The following KLHL4 variants were observed in gnomAD, a reference collection of about 807,000 sequenced individuals.
KLHL4 encodes the protein kelch-like protein 4.
A neutral mutation model predicts 45.8 loss-of-function variants in KLHL4; 17 were observed. The ratio of observed to expected loss-of-function variants is 0.37; its 90% CI spans 0.25 to 0.56. The LOEUF (loss-of-function observed/expected upper bound fraction) is 0.56, where lower values mean the gene tolerates loss of function less well. KLHL4 is among the 20% of genes least tolerant of loss of function. KLHL4 has a pLI of 0.79. For missense variants in KLHL4, 544 were observed against 544.9 expected, an observed-to-expected ratio of 1.00 and a Z score of 0.02; for synonymous variants, 224 against 189.9, an observed-to-expected ratio of 1.18 and a Z score of -1.47.
At chrX:87,568,391 CTT>C (rs58586775) in intron 1 of KLHL4, among the ~76,000 whole-genome samples, 2 of 57,499 alleles carry the variant, frequency 3.5e-5, no homozygotes, top group African/African-American at 7.5e-5. Context: ...TTCTTTTTTT[CTT>C]TTTTTTTTTT....
chrX:87,635,050 G>A (rs1399953640), intron 8 of KLHL4, among the ~76,000 whole-genome samples: 1 of 111,276 alleles, frequency 9.0e-6, no homozygotes, highest in African/African-American at 3.3e-5. Flanking sequence ...CACTTACGAG[G>A]GAAAAAAATC....
At chrX:87,526,334 A>C (rs1931109644) in intron 1 of KLHL4, among the ~76,000 whole-genome samples, 1 of 112,249 alleles carries the variant, frequency 8.9e-6, no homozygotes, top group African/African-American at 3.2e-5. Context: ...TTGAGCCCTC[A>C]TTTATGTGCA....
intron 1 of KLHL4, among the ~76,000 whole-genome samples, chrX:87,572,833 AT>A (rs1483434385): frequency 9.1e-6 from 1 of 109,673 alleles, no homozygotes; most frequent in Non-Finnish European, 1.9e-5. Flanking sequence ...AAAAAAAAAA[AT>A]AAATGAAAGC....
Position 87,669,549 on chromosome X carries a change from A to T in KLHL4, c.*3015A>T. ...AAAAAACCCTGTGACTCTGGATTTT[A>T]TTTTAAGTTCTCTAACAAGACTCCT... On this transcript the variant is annotated 3_prime_UTR_variant, in exon 11 of 11. Transcript: ENST00000373119. 1 of 625,464 alleles carries T rather than the reference A, an allele frequency of 1.6e-6. No homozygotes were observed. Among genetic ancestry groups the T allele is most frequent in the Non-Finnish European group, 2.3e-6 (1 of 439,707 alleles). 51.5% of individuals were successfully genotyped at this position (625,464 alleles called of 1,213,427 possible).
chrX:87,542,429 G>A (rs1346713180), intron 1 of KLHL4, among the ~76,000 whole-genome samples: 2 of 112,451 alleles, frequency 1.8e-5, no homozygotes, highest in African/African-American at 6.4e-5. Context: ...CTGTAGACCA[G>A]GCCCAGGACC....
At chrX:87,545,610 T>G (rs951754639) in intron 1 of KLHL4, among the ~76,000 whole-genome samples, 3 of 111,661 alleles carry the variant, frequency 2.7e-5, no homozygotes, top group African/African-American at 9.8e-5. Context: ...AGTGTAAAAA[T>G]GGACTAATAA....
chrX:87,638,146 GA>G (rs200381785), intron 9 of KLHL4, among the ~76,000 whole-genome samples: 5,441 of 110,467 alleles, frequency 0.049, 345 homozygotes, highest in African/African-American at 0.17. Flanking sequence ...CAAAGATAAA[GA>G]AAAAAATTAT....
chrX:87,531,554 A>C (rs1931279938), intron 1 of KLHL4, among the ~76,000 whole-genome samples: 1 of 108,032 alleles, frequency 9.3e-6, no homozygotes, highest in Admixed American at 1.0e-4. Flanking sequence ...CCCTGTTTGC[A>C]GATGACATGA....
chrX:87,575,547 A>T (rs945379370), intron 1 of KLHL4, among the ~76,000 whole-genome samples: 4 of 112,120 alleles, frequency 3.6e-5, no homozygotes, highest in African/African-American at 1.3e-4. Context: ...TTTCAGTTTT[A>T]GGTCTAGTTA....
intron 9 of KLHL4, among the ~76,000 whole-genome samples, chrX:87,659,113 C>CTTTTTTTTTTTTTTT (rs1178733729): frequency 1.3e-4 from 6 of 45,099 alleles, no homozygotes; most frequent in African/African-American, 2.1e-4. Flanking sequence ...TCTTTTCTTT[C>CTTTTTTTTTTTTTTT]TTTTTTTTTT....
chrX:87,628,170 C>T (rs1922992181), intron 6 of KLHL4, among the ~76,000 whole-genome samples: 3 of 111,704 alleles, frequency 2.7e-5, no homozygotes, highest in Non-Finnish European at 5.7e-5. Context: ...CGTTCCTAAT[C>T]CTCACAATAA....
intron 1 of KLHL4, among the ~76,000 whole-genome samples, chrX:87,549,443 C>T (rs898228428): frequency 2.1e-4 from 23 of 111,432 alleles, no homozygotes; most frequent in African/African-American, 7.1e-4. Context: ...TATTTAGAAA[C>T]AATTTCATCC....
intron 9 of KLHL4, among the ~76,000 whole-genome samples, chrX:87,656,646 G>A (rs1042518755): frequency 1.8e-5 from 2 of 108,471 alleles, no homozygotes; most frequent in East Asian, 5.8e-4. Flanking sequence ...GAATCCTGTT[G>A]AGCTTCTTTA....
intron 1 of KLHL4, among the ~76,000 whole-genome samples, chrX:87,543,966 TTCAGGTATCAACA>T (rs1458750661): frequency 4.6e-4 from 51 of 111,144 alleles, no homozygotes; most frequent in African/African-American, 1.5e-3. Flanking sequence ...ACTTCTTGAC[TTCAGGTATCAACA>T]TCAGCAGGGG....
At position 87,529,809 on chromosome X, in the gene KLHL4, T is replaced by C. The variant is rs370301087; in HGVS notation, c.422+11494T>C. ...ATGTAAAAAATAAAATGTATCTTGATAAGACAATAAAGAGATTCATTTTCT... is the reference window on the plus strand; with the variant it reads ...ATGTAAAAAATAAAATGTATCTTGACAAGACAATAAAGAGATTCATTTTCT... On this transcript the variant is annotated intron_variant, in intron 1 of 10. Transcript: ENST00000373119. 7.1e-5 allele frequency among the ~76,000 whole-genome samples: 8 copies of C among 112,223 alleles called. No homozygotes were observed. The East Asian group carries it at 2.0e-3, about 28-fold the overall frequency.
Position 87,668,020 on chromosome X carries a change from CA to C in KLHL4, c.*1491del. On this transcript the variant is annotated 3_prime_UTR_variant, in exon 11 of 11. Transcript: ENST00000373119. ...CCTATATCACTAAAATACTTAAACA[CA>C]AAAATAAAATTCCACTCCTTTATTT... 1.4e-6 allele frequency: 1 copy of C among 730,025 alleles called. No individual in the cohort carries two copies. Among genetic ancestry groups the C allele is most frequent in the Non-Finnish European group, 1.6e-6 (1 of 617,392 alleles). 60.2% of individuals were successfully genotyped at this position (730,025 alleles called of 1,213,427 possible).
chrX:87,553,075 A>G (rs1015275145), intron 1 of KLHL4, among the ~76,000 whole-genome samples: 6 of 110,716 alleles, frequency 5.4e-5, no homozygotes, highest in Non-Finnish European at 1.1e-4. Flanking sequence ...CACACTAAAT[A>G]TGTGCACCTA....
chrX:87,551,331 A>T (rs1172656928), intron 1 of KLHL4, among the ~76,000 whole-genome samples: 2 of 111,216 alleles, frequency 1.8e-5, no homozygotes, highest in Non-Finnish European at 3.8e-5. Flanking sequence ...ACTACAAAAC[A>T]CTGCTGAAAG....
chrX:87,526,520 G>A (rs1241989444), intron 1 of KLHL4, among the ~76,000 whole-genome samples: 2 of 111,934 alleles, frequency 1.8e-5, no homozygotes, highest in African/African-American at 6.5e-5. Flanking sequence ...GAGCTCCATA[G>A]GCATTCAAAG....
Sources: allele counts gnomAD v4.1 joint callset (sites outside exome capture counted in the v4.1 genomes callset), GRCh38; gene constraint gnomAD v4.1.1; transcripts MANE v1.5; gene names NCBI Gene and HGNC (gene_info 2026-07-23, HGNC 2026-07-21).